Variants in SVEP1 observed in about 807,000 individuals in gnomAD.
SVEP1 encodes sushi, von Willebrand factor type A, EGF and pentraxin domain containing 1.
Under a neutral mutation model 367.3 loss-of-function variants are expected in SVEP1, and 164 were observed. That is an observed-to-expected ratio of 0.45 (90% confidence interval 0.39 to 0.51). The LOEUF (loss-of-function observed/expected upper bound fraction) is 0.51, where lower values mean the gene tolerates loss of function less well. SVEP1 is among the 20% of genes least tolerant of loss of function. SVEP1 has a pLI of 0.00. For missense variants in SVEP1, 4,117 were observed against 4,425.3 expected (o/e 0.93, Z 1.98); for synonymous variants, 1,666 against 1,611.6 (o/e 1.03, Z -0.81).
chr9:110,512,823 T>G (rs1829741122), intron 5 of SVEP1, 103 bp downstream of exon 5: 4 of 1,386,124 alleles, frequency 2.9e-6, no homozygotes, highest in Admixed American at 3.7e-5. Flanking sequence ...ATGGGGTCTA[T>G]GAAATCCAAA....
At chr9:110,419,007 A>G (rs1828153722) in intron 36 of SVEP1, among the ~76,000 whole-genome samples, 1 of 20,642 alleles carries the variant, frequency 4.8e-5, no homozygotes, top group East Asian at 8.8e-4. Flanking sequence ...GCCGCTGCAA[A>G]ATCATGCCAA....
intron 4 of SVEP1, among the ~76,000 whole-genome samples, chr9:110,513,621 G>C (rs950759311): frequency 6.6e-6 from 1 of 152,090 alleles, no homozygotes; most frequent in South Asian, 2.1e-4. Flanking sequence ...CCAGAGCCAA[G>C]ATGAGCTCAT....
In SVEP1 at chr9:110,481,452, T is replaced by C. The variant is rs1588074310; in HGVS notation, c.2171-16A>G. The C allele has an allele frequency of 6.5e-7, 1 of 1,536,788 alleles. No homozygotes were observed. The highest frequency in any genetic ancestry group is 1.4e-5 in the African/African-American group (1 of 72,510). On this transcript the variant is annotated splice_polypyrimidine_tract_variant and intron_variant, in intron 11 of 47. Coordinates refer to ENST00000374469, the MANE Select transcript of SVEP1 (RefSeq NM_153366.4). ...CAGGGAGAACCTGTGTAAAAAAAAT[T>C]GTACTATTCATATATAGTGGTACAA... is the stretch of plus-strand genomic sequence containing the variant.
In SVEP1 at chr9:110,407,736, C is replaced by T; in HGVS notation, c.7864G>A (p.Gly2622Arg). Residue 2622 changes from glycine to arginine, a missense_variant, in exon 38 of 48, where the codon GGA becomes AGA. By Grantham distance (125) the Gly-to-Arg change is moderately radical (BLOSUM62 -2). Coordinates refer to ENST00000374469, the MANE Select transcript of SVEP1 (RefSeq NM_153366.4). ...TCATCTTTGAGTTTAGTACAGTCTCCAAAATCTATATGAGGAGGGAGGCCA... is the reference window on the plus strand; with the variant it reads ...TCATCTTTGAGTTTAGTACAGTCTCTAAAATCTATATGAGGAGGGAGGCCA... ...DCGLPPHIDF[G>R]DCTKLKDDQG... is the part of the protein sequence containing the mutation. 6.2e-7 allele frequency: 1 copy of T among 1,613,912 alleles called. No homozygotes were observed. The highest frequency in any genetic ancestry group is 8.5e-7 in the Non-Finnish European group (1 of 1,179,876).
intron 47 of SVEP1, among the ~76,000 whole-genome samples, chr9:110,369,355 A>G (rs1405226474): frequency 6.6e-6 from 1 of 152,190 alleles, no homozygotes; most frequent in African/African-American, 2.4e-5. Flanking sequence ...ATCTTTTTGT[A>G]GTCAATGAAA....
intron 36 of SVEP1, among the ~76,000 whole-genome samples, chr9:110,423,162 A>G (rs1468540078): frequency 2.4e-5 from 3 of 126,830 alleles, no homozygotes; most frequent in Non-Finnish European, 4.8e-5. Context: ...AAATAAAAAA[A>G]TAAAGTAAAA....
At chr9:110,512,052 A>G (rs912838060) in intron 5 of SVEP1, among the ~76,000 whole-genome samples, 1 of 152,226 alleles carries the variant, frequency 6.6e-6, no homozygotes, top group Non-Finnish European at 1.5e-5. Context: ...ATTTTTTAGT[A>G]TAAGGAGGTT....
intron 9 of SVEP1, among the ~76,000 whole-genome samples, chr9:110,485,908 T>C (rs935557311): frequency 1.3e-5 from 2 of 152,242 alleles, no homozygotes; most frequent in Non-Finnish European, 2.9e-5. Flanking sequence ...CCAAGTCTCA[T>C]GAACATATGT....
At chr9:110,462,501 A>G (rs1002885410) in intron 18 of SVEP1, among the ~76,000 whole-genome samples, 3 of 150,986 alleles carry the variant, frequency 2.0e-5, no homozygotes. Context: ...ATATGTATAT[A>G]TAAACATACA....
At chr9:110,576,926 C>T (rs1357945570) in intron 1 of SVEP1, among the ~76,000 whole-genome samples, 2 of 151,918 alleles carry the variant, frequency 1.3e-5, no homozygotes, top group Non-Finnish European at 2.9e-5. Flanking sequence ...ACACTATGCA[C>T]AAAAGTAAGT....
rs554258855 is a variant in SVEP1, at chr9:110,529,276, C to T, written c.965-15170G>A. Reference sequence around the variant, plus strand: ...TACCATGCTGTTTTGGTTACTATAGCTTTGTAGTATAATTTGAAGTTGAGT... The same window carrying T: ...TACCATGCTGTTTTGGTTACTATAGTTTTGTAGTATAATTTGAAGTTGAGT... On this transcript the variant is annotated intron_variant, in intron 3 of 47. Transcript: ENST00000374469. Among the ~76,000 whole-genome samples the T allele has an allele frequency of 6.4e-5, 5 of 78,682 alleles. No homozygotes were observed. The South Asian group carries it at 1.5e-3, about 24-fold the overall frequency. 51.6% of individuals were successfully genotyped at this position (78,682 alleles called of 152,430 possible). A position where few individuals can be genotyped will look rare whatever the true frequency, so the allele number is the denominator to read the frequency against.
chr9:110,523,738 T>C (rs1390574781), intron 3 of SVEP1, among the ~76,000 whole-genome samples: 1 of 152,076 alleles, frequency 6.6e-6, no homozygotes, highest in Non-Finnish European at 1.5e-5. Context: ...TAGTGCTAAA[T>C]GCGTGCATTA....
Position 110,499,179 on chromosome 9 carries a change from C to T in SVEP1, c.1543G>A (p.Gly515Ser), listed in dbSNP as rs1372833666. The change falls in exon 7 of 48, where the codon GGC becomes AGC. Residue 515 changes from glycine to serine, a missense_variant. By Grantham distance (56) the Gly-to-Ser change is moderately conservative. This residue lies in a region of SVEP1 where 2,174 missense variants were observed against 2,494.3 expected (regional missense o/e 0.87). Coordinates refer to ENST00000374469, the MANE Select transcript of SVEP1 (RefSeq NM_153366.4). Reference protein sequence around the residue: ...KDVIISPHNCGKQPAKFGTIC... With the variant: ...KDVIISPHNCSKQPAKFGTIC... Reference sequence around the variant, plus strand: ...GTCCCAAATTTGGCTGGCTGCTTGCCACAGTTGTGGGGGGATATGATGACA... The same window carrying T: ...GTCCCAAATTTGGCTGGCTGCTTGCTACAGTTGTGGGGGGATATGATGACA... 5 of 1,613,604 alleles carry T rather than the reference C, an allele frequency of 3.1e-6. No individual in the cohort carries two copies. In the Admixed American group the frequency reaches 5.0e-5, roughly 16 times the overall value.
chr9:110,399,476 C>G (rs963667858), intron 40 of SVEP1, among the ~76,000 whole-genome samples: 1 of 152,010 alleles, frequency 6.6e-6, no homozygotes, highest in African/African-American at 2.4e-5. Flanking sequence ...TACCCTAAAA[C>G]TTAAAGTATA....
chr9:110,455,608 A>G lies in SVEP1; in HGVS notation c.3769T>C (p.Cys1257Arg). ...CCCTTACCTGTGTAACCTGATGGGC[A>G]CTCACAAATGAATTCCCCAACTAGG... is the stretch of plus-strand genomic sequence containing the variant. ...KDLVGEFICE[C>R]PSGYTGQRCE... is the part of the protein sequence containing the mutation. The change falls in exon 22 of 48, where the codon TGC (cysteine) becomes CGC (arginine). Residue 1257 changes from cysteine (C) to arginine (R), a missense_variant. By Grantham distance (180) the Cys-to-Arg change is radical. This residue lies in a region of SVEP1 where 2,174 missense variants were observed against 2,494.3 expected (regional missense o/e 0.87). Coordinates refer to ENST00000374469, the MANE Select transcript of SVEP1 (RefSeq NM_153366.4). The G allele has an allele frequency of 1.2e-6, 2 of 1,613,506 alleles. No individual in the cohort carries two copies. Among genetic ancestry groups the G allele is most frequent in the Non-Finnish European group, 1.7e-6 (2 of 1,179,640 alleles).
rs180851691 is a variant in SVEP1 at position 110,449,918 on chromosome 9, A to C, written c.4103+141T>G. 1.0e-4 allele frequency: 97 copies of C among 951,622 alleles called. No homozygotes were observed. The African/African-American group carries it at 1.3e-3, about 13-fold the overall frequency. The allele number at this position is 951,622 out of a possible 1,614,324, so 58.9% of individuals were successfully genotyped here. A position where few individuals can be genotyped will look rare whatever the true frequency, so the allele number is the denominator to read the frequency against. The stretch of plus-strand genomic sequence containing the variant: ...TAGTGAAGCAGAAATGGCGGTGGGA[A>C]TATTCAGCTGTAGCCTATCCTCGGG... On this transcript the variant is annotated intron_variant, in intron 24 of 47. Coordinates refer to ENST00000374469, the MANE Select transcript of SVEP1 (RefSeq NM_153366.4).
At chr9:110,531,238 C>A (rs1306381815) in intron 3 of SVEP1, among the ~76,000 whole-genome samples, 1 of 152,102 alleles carries the variant, frequency 6.6e-6, no homozygotes, top group African/African-American at 2.4e-5. Context: ...TGTTCTATAG[C>A]TCATGATTTA....
Position 110,457,273 on chromosome 9 carries a change from C to G in SVEP1, c.3656G>C (p.Cys1219Ser), listed in dbSNP as rs1263192865. Residue 1219 changes from cysteine to serine, a missense_variant, in exon 21 of 48, where the codon TGT becomes TCT. Physicochemically the swap from Cys to Ser is moderately radical, Grantham distance 112. Coordinates refer to ENST00000374469, the MANE Select transcript of SVEP1 (RefSeq NM_153366.4). The part of the protein sequence containing the change: ...QQLGRGYVCL[C>S]PLGYTGLKCE... The stretch of plus-strand genomic sequence containing the variant: ...TTATTTACCTGTATATCCAAGTGGA[C>G]AGAGACAAACATAACCACGCCCAAG... 1 of 1,610,730 alleles carries G rather than the reference C, an allele frequency of 6.2e-7. No individual in the cohort carries two copies. Among genetic ancestry groups the G allele is most frequent in the Non-Finnish European group, 8.5e-7 (1 of 1,179,124 alleles).
intron 8 of SVEP1, among the ~76,000 whole-genome samples, chr9:110,491,929 C>A (rs369767614): frequency 1.3e-5 from 2 of 152,116 alleles, no homozygotes; most frequent in African/African-American, 2.4e-5. Context: ...AAAGAACAAT[C>A]ATCACTTAAA....
Sources: gnomAD v4.1 joint callset for allele counts (sites outside exome capture counted in the v4.1 genomes callset) on GRCh38, gnomAD v4.1.1 for gene constraint, gnomAD v4.1.1 regional missense constraint, MANE v1.5 for transcripts, NCBI Gene and HGNC (gene_info 2026-07-23, HGNC 2026-07-21) for gene names.